HOXC5: variants seen among roughly 807,000 people sequenced by gnomAD.
HOXC5 encodes the protein homeobox protein Hox-C5.
Under a neutral mutation model 20.1 loss-of-function variants are expected in HOXC5, and 19 were observed. The observed-to-expected ratio is 0.94, with a 90% confidence interval of 0.66 to 1.38. The LOEUF (loss-of-function observed/expected upper bound fraction) is 1.38, where lower values mean the gene tolerates loss of function less well. Ranked by LOEUF, HOXC5 falls within the 40% of genes most tolerant of loss-of-function variation. The pLI is 0.00. For synonymous variants in HOXC5, 124 were observed against 117.0 expected (o/e 1.06, Z -0.39); for missense variants, 330 against 300.1 (o/e 1.10, Z -0.74).
chr12:54,028,394 T>G (rs1592231185), upstream of HOXC5: 3 of 1,027,186 alleles, frequency 2.9e-6, no homozygotes, highest in South Asian at 1.8e-5. Flanking sequence ...TGGGAGGGGG[T>G]CAGCTGACTT....
chr12:54,019,835 T>G, the HOXC5 span: 1 of 152,118 alleles, frequency 6.6e-6, no homozygotes, highest in Non-Finnish European at 1.5e-5. Context: ...TAATTGATTT[T>G]CTGTCCCTTC....
chr12:54,026,183 A>C, the HOXC5 span, among the ~76,000 whole-genome samples: 1 of 152,092 alleles, frequency 6.6e-6, no homozygotes, highest in Admixed American at 6.5e-5. Context: ...CACTACCCTT[A>C]GGGCAGAAAG....
At chr12:54,016,907 A>G in the HOXC5 span, 7 of 152,336 alleles carry the variant, frequency 4.6e-5, no homozygotes, top group South Asian at 1.5e-3. Flanking sequence ...TCCTCCCTGT[A>G]AGAGCCTAAC....
At chr12:54,022,428 A>G in the HOXC5 span, 2 of 152,046 alleles carry the variant, frequency 1.3e-5, no homozygotes, top group Non-Finnish European at 2.9e-5. Context: ...TTGGCCTTTA[A>G]TTTTGCTGCT....
At chr12:54,031,422 G>T (rs1258744307), upstream of HOXC5, among the ~76,000 whole-genome samples, 3 of 152,240 alleles carry the variant, frequency 2.0e-5, no homozygotes, top group Admixed American at 2.0e-4. Flanking sequence ...GCTCTCGCCT[G>T]CTCTGGTACT....
At chr12:54,024,151 C>G in the HOXC5 span, among the ~76,000 whole-genome samples, 1 of 152,184 alleles carries the variant, frequency 6.6e-6, no homozygotes, top group Non-Finnish European at 1.5e-5. Context: ...CGGCTTTCTC[C>G]GTAAGAGGGA....
the HOXC5 span, among the ~76,000 whole-genome samples, chr12:54,024,765 A>G: frequency 1.3e-5 from 2 of 152,046 alleles, no homozygotes; most frequent in Non-Finnish European, 2.9e-5. Flanking sequence ...GCCTAGGGAA[A>G]TCCCCAAGTG....
upstream of HOXC5, among the ~76,000 whole-genome samples, chr12:54,032,152 G>A (rs1941009256): frequency 6.6e-6 from 1 of 152,164 alleles, no homozygotes; most frequent in South Asian, 2.1e-4. Flanking sequence ...GGCTCTGTCC[G>A]TGTCCACACA....
At chr12:54,018,101 C>G in the HOXC5 span, among the ~76,000 whole-genome samples, 10 of 152,182 alleles carry the variant, frequency 6.6e-5, no homozygotes, top group Middle Eastern at 3.4e-3. Flanking sequence ...CTCCCGCCCC[C>G]ACTCGGGCGG....
the HOXC5 span, among the ~76,000 whole-genome samples, chr12:54,027,691 A>G: frequency 7.2e-5 from 11 of 152,158 alleles, no homozygotes; most frequent in South Asian, 2.3e-3. Context: ...AGTTTTCCCA[A>G]CAGAGGGGTC....
upstream of HOXC5, chr12:54,028,560 C>T: frequency 6.2e-7 from 1 of 1,614,176 alleles, no homozygotes; most frequent in East Asian, 2.2e-5. Context: ...TATCCTGCCA[C>T]CTCGCCGGGG....
At chr12:54,019,696 C>T in the HOXC5 span, among the ~76,000 whole-genome samples, 101 of 152,160 alleles carry the variant, frequency 6.6e-4, no homozygotes, top group Admixed American at 2.2e-3. Context: ...CGGGCCTGGG[C>T]GAGGCTGAGG....
rs1941118626 is a variant in HOXC5 at position 54,034,288 on chromosome 12, C to G, written c.465C>G (p.Gly155=). 1 of 1,613,518 alleles carries G rather than the reference C, an allele frequency of 6.2e-7. No individual in the cohort carries two copies. The highest frequency in any genetic ancestry group is 8.5e-7 in the Non-Finnish European group (1 of 1,179,956). ...GGGTTTATGTTCCAGAGACGGACGGCAAGCGGTCCCGAACCAGTTACACGC... is the reference window on the plus strand; with the variant it reads ...GGGTTTATGTTCCAGAGACGGACGGGAAGCGGTCCCGAACCAGTTACACGC... The part of the protein sequence containing the change: ...TKLHMSHETD[G]KRSRTSYTRY... The change falls in exon 2 of 2, where the codon GGC becomes GGG. Residue 155 remains glycine (G), a synonymous_variant. Coordinates refer to ENST00000312492, the MANE Select transcript of HOXC5 (RefSeq NM_018953.4).
rs1210179296 is a variant in HOXC5 at position 54,033,335 on chromosome 12, C to A, written c.213C>A (p.Pro71=). 1 of 1,613,042 alleles carries A rather than the reference C, an allele frequency of 6.2e-7. No individual in the cohort carries two copies. Among genetic ancestry groups the A allele is most frequent in the Non-Finnish European group, 8.5e-7 (1 of 1,179,596 alleles). ...VDMAANPRAH[P]DRPACSAAAA... Reference sequence around the variant, plus strand: ...TGGCTGCCAACCCCCGGGCTCACCCCGACCGCCCCGCCTGCAGCGCCGCGG... The same window carrying A: ...TGGCTGCCAACCCCCGGGCTCACCCAGACCGCCCCGCCTGCAGCGCCGCGG... The change falls in exon 1 of 2, where the codon CCC becomes CCA. Residue 71 remains proline (P), a synonymous_variant. Coordinates refer to ENST00000312492, the MANE Select transcript of HOXC5 (RefSeq NM_018953.4).
At chr12:54,028,880 T>C (rs1940854477), upstream of HOXC5, 3 of 1,613,400 alleles carry the variant, frequency 1.9e-6, no homozygotes, top group Admixed American at 5.0e-5. Context: ...AAAGCCAGTA[T>C]CCAGATTTAC....
the HOXC5 span, among the ~76,000 whole-genome samples, chr12:54,017,983 G>T: frequency 6.6e-6 from 1 of 152,222 alleles, no homozygotes; most frequent in Non-Finnish European, 1.5e-5. Context: ...CCGCCGAGCA[G>T]GAAGCCGGCG....
At chr12:54,025,674 G>A in the HOXC5 span, among the ~76,000 whole-genome samples, 4 of 151,830 alleles carry the variant, frequency 2.6e-5, no homozygotes, top group Non-Finnish European at 5.9e-5. Context: ...ATTATAAATC[G>A]GCGAGACCTT....
the HOXC5 span, among the ~76,000 whole-genome samples, chr12:54,026,943 C>T: frequency 4.3e-5 from 6 of 140,402 alleles, no homozygotes; most frequent in South Asian, 6.7e-4. Context: ...CTTTCCCCCC[C>T]CCCAACCCAC....
the HOXC5 span, among the ~76,000 whole-genome samples, chr12:54,017,963 C>G: frequency 5.3e-5 from 8 of 152,282 alleles, no homozygotes; most frequent in African/African-American, 1.9e-4. Flanking sequence ...AGTGTGGGCC[C>G]AGGGCCGGGC....
Sources: gnomAD v4.1 joint callset for allele counts (sites outside exome capture counted in the v4.1 genomes callset) on GRCh38, gnomAD v4.1.1 for gene constraint, MANE v1.5 for transcripts, NCBI Gene and HGNC (gene_info 2026-07-23, HGNC 2026-07-21) for gene names.